The following PLAGL1 variants were observed in gnomAD, a reference collection of about 807,000 sequenced individuals.
PLAGL1 encodes the protein zinc finger protein PLAGL1.
PLAGL1 carries 1 observed loss-of-function variant against 4.6 expected under a neutral mutation model. That is an observed-to-expected ratio of 0.22 (90% CI 0.08 to 1.03). The LOEUF (loss-of-function observed/expected upper bound fraction) is 1.03. Among genes scored for constraint, PLAGL1 ranks in the 50% least tolerant of loss-of-function variants. PLAGL1 has a pLI of 0.58. For synonymous variants in PLAGL1, 240 were observed against 237.8 expected, an observed-to-expected ratio of 1.01 and a Z score of -0.08; for missense variants, 464 against 570.4, an observed-to-expected ratio of 0.81 and a Z score of 1.90.
Position 143,940,690 on chromosome 6 carries a change from C to T in PLAGL1, c.*734G>A, listed in dbSNP as rs941200623. 2 of 150,756 alleles carry T rather than the reference C, an allele frequency of 1.3e-5. No individual in the cohort carries two copies. The highest frequency in any genetic ancestry group is 2.9e-5 in the Non-Finnish European group (2 of 67,856). The allele number at this position is 150,756 out of a possible 1,614,324, so 9.3% of individuals were successfully genotyped here. On this transcript the variant is annotated 3_prime_UTR_variant, in exon 8 of 8. Transcript: ENST00000674357. ...AAGTCAGCAAAATGCCTTTGACTGACGCCTGGATTATTTTACCACTTAACC... is the reference window on the plus strand; with the variant it reads ...AAGTCAGCAAAATGCCTTTGACTGATGCCTGGATTATTTTACCACTTAACC...
At position 143,970,167 on chromosome 6, in the gene PLAGL1, T is replaced by G. The variant is rs1477250424; in HGVS notation, c.-543-1189A>C. The stretch of plus-strand genomic sequence containing the variant: ...TTTGTGCCTTGACCAAAAAGGCTGC[T>G]GTTGTATGTGTTTTTAAAATAACGA... On this transcript the variant is annotated intron_variant, in intron 2 of 7. Coordinates refer to ENST00000674357, the MANE Select transcript of PLAGL1 (RefSeq NM_001317162.2). This position sits in a 1 kb window ranked among gnomAD's most constrained non-coding sequence, Gnocchi z 5.8. 6.6e-6 allele frequency among the ~76,000 whole-genome samples: 1 copy of G among 152,344 alleles called. No individual in the cohort carries two copies. Among genetic ancestry groups the G allele is most frequent in the African/African-American group, 2.4e-5 (1 of 41,586 alleles).
At chr6:143,946,335 G>A (rs1315362462) in intron 7 of PLAGL1, among the ~76,000 whole-genome samples, 5 of 152,138 alleles carry the variant, frequency 3.3e-5, no homozygotes, top group African/African-American at 1.2e-4. Context: ...GTCTTTATCT[G>A]CAGTTTTAGT....
At position 143,972,043 on chromosome 6, in the gene PLAGL1, A is replaced by G. The variant is rs1583311028; in HGVS notation, c.-543-3065T>C. Among the ~76,000 whole-genome samples, 1 of 152,338 alleles carries G rather than the reference A, an allele frequency of 6.6e-6. No individual in the cohort carries two copies. Among genetic ancestry groups the G allele is most frequent in the South Asian group, 2.1e-4 (1 of 4,832 alleles). ...AAAAAAGGGCATAATAGTTCTCTGCAGAGGAAGAATTTTAAAAAGCAATAG... is the reference window on the plus strand; with the variant it reads ...AAAAAAGGGCATAATAGTTCTCTGCGGAGGAAGAATTTTAAAAAGCAATAG... On this transcript the variant is annotated intron_variant, in intron 2 of 7. Transcript: ENST00000674357. The surrounding 1 kb of genome is among the most constrained non-coding windows in gnomAD (Gnocchi z 6.8).
At chr6:144,013,220 A>C (rs1233600404), upstream of PLAGL1, among the ~76,000 whole-genome samples, 4 of 152,186 alleles carry the variant, frequency 2.6e-5, no homozygotes, top group Admixed American at 2.6e-4. This position sits in a 1 kb window ranked among gnomAD's most constrained non-coding sequence, Gnocchi z 4.4. Flanking sequence ...ATGCTGACAC[A>C]TCTATAGGTT....
In PLAGL1 at chr6:143,954,126, G is replaced by A. The variant is rs149963618; in HGVS notation, c.-324-5666C>T. Among the ~76,000 whole-genome samples, 51 of 152,256 alleles carry A rather than the reference G, an allele frequency of 3.3e-4. No individual in the cohort carries two copies. The East Asian group carries it at 9.3e-3, about 28-fold the overall frequency. On this transcript the variant is annotated intron_variant, in intron 6 of 7. Coordinates refer to ENST00000674357, the MANE Select transcript of PLAGL1 (RefSeq NM_001317162.2). This position sits in a 1 kb window ranked among gnomAD's most constrained non-coding sequence, Gnocchi z 5.1. ...ATAAGGACAAAGGGGGTTTCCTCCA[G>A]GGGTCGCCACCTTACCCTATACAAG... is the stretch of plus-strand genomic sequence containing the variant.
At chr6:144,046,514 G>C (rs1798159202) in intron 1 of PLAGL1, among the ~76,000 whole-genome samples, 1 of 152,216 alleles carries the variant, frequency 6.6e-6, no homozygotes, top group Non-Finnish European at 1.5e-5. Context: ...GTCACCAGCA[G>C]AGGCTGCAGA....
intron 1 of PLAGL1, among the ~76,000 whole-genome samples, chr6:144,020,891 A>G (rs1367797929): frequency 2.7e-5 from 4 of 146,894 alleles, no homozygotes; most frequent in African/African-American, 9.9e-5. Flanking sequence ...AATTTATATA[A>G]TTTATAATAT....
chr6:144,023,768 C>CTTTTTTTTTT lies in PLAGL1; in HGVS notation c.-151+40690_-151+40699dup, dbSNP rs34002736. Among the ~76,000 whole-genome samples, 7 of 72,662 alleles carry CTTTTTTTTTT rather than the reference C, an allele frequency of 9.6e-5. 1 individual carries two copies. Among genetic ancestry groups the CTTTTTTTTTT allele is most frequent in the African/African-American group, 3.9e-4 (7 of 18,084 alleles). 47.7% of individuals were successfully genotyped at this position (72,662 alleles called of 152,430 possible). A position where few individuals can be genotyped will look rare whatever the true frequency, so the allele number is the denominator to read the frequency against. On this transcript the variant is annotated intron_variant, in intron 1 of 3. Transcript: ENST00000437412. Reference sequence around the variant, plus strand: ...GACATCATTATGAACTCATATTTAGCTTTTTTTTTTTTTTTTTTTTTTTTT... The same window carrying CTTTTTTTTTT: ...GACATCATTATGAACTCATATTTAGCTTTTTTTTTTTTTTTTTTTTTTTTTTTTTTTTTTT...
At position 143,994,812 on chromosome 6, in the gene PLAGL1, G is replaced by A. The variant is rs79453308; in HGVS notation, c.-583-9638C>T. On this transcript the variant is annotated intron_variant, in intron 1 of 7. Transcript: ENST00000674357. This position sits in a 1 kb window ranked among gnomAD's most constrained non-coding sequence, Gnocchi z 4.3. ...AAGGTTAAATGATGTCTTAAGAGTG[G>A]GGCTTTAATCCAATTAAAATTCTCA... 7.3e-3 allele frequency among the ~76,000 whole-genome samples: 1,112 copies of A among 152,210 alleles called. 45 individuals are homozygous for A. The East Asian group carries it at 0.11, about 15-fold the overall frequency.
chr6:143,964,327 C>T lies in PLAGL1; in HGVS notation c.-399+460G>A, dbSNP rs890747753. ...TAAACTGAAGGTCAGAGGTGGGTTCCTCATCTTCCAGAGGCCATGAAAATC... is the reference window on the plus strand; with the variant it reads ...TAAACTGAAGGTCAGAGGTGGGTTCTTCATCTTCCAGAGGCCATGAAAATC... On this transcript the variant is annotated intron_variant, in intron 5 of 7. Transcript: ENST00000674357. This position sits in a 1 kb window ranked among gnomAD's most constrained non-coding sequence, Gnocchi z 4.3. Among the ~76,000 whole-genome samples, 3 of 152,166 alleles carry T rather than the reference C, an allele frequency of 2.0e-5. No homozygotes were observed. The highest frequency in any genetic ancestry group is 4.4e-5 in the Non-Finnish European group (3 of 68,020).
Position 143,959,916 on chromosome 6 carries a change from C to G in PLAGL1, c.-325+553G>C, listed in dbSNP as rs1056887297. Among the ~76,000 whole-genome samples the G allele has an allele frequency of 2.6e-5, 4 of 152,206 alleles. No homozygotes were observed. Among genetic ancestry groups the G allele is most frequent in the Non-Finnish European group, 5.9e-5 (4 of 68,030 alleles). The stretch of plus-strand genomic sequence containing the variant: ...GCTCTTTCAACCTACGCTTTGCCAT[C>G]CCTTCTAGCCACACTGTCTACATGA... On this transcript the variant is annotated intron_variant, in intron 6 of 7. Transcript: ENST00000674357. This position sits in a 1 kb window ranked among gnomAD's most constrained non-coding sequence, Gnocchi z 5.3.
rs1794263022 is a variant in PLAGL1 at position 144,006,657 on chromosome 6, T to A, written c.-584+1433A>T. 1 of 152,176 alleles carries A rather than the reference T, an allele frequency of 6.6e-6. No individual in the cohort carries two copies. The highest frequency in any genetic ancestry group is 2.4e-5 in the African/African-American group (1 of 41,452). The allele number at this position is 152,176 out of a possible 1,614,324, so 9.4% of individuals were successfully genotyped here. A position where few individuals can be genotyped will look rare whatever the true frequency, so the allele number is the denominator to read the frequency against. On this transcript the variant is annotated intron_variant, in intron 1 of 7. Transcript: ENST00000674357. The surrounding 1 kb of genome is among the most constrained non-coding windows in gnomAD (Gnocchi z 4.3). ...TCATTGGCCACTGTACAGTGTGCCC[T>A]TTTTATGAGTGGTGTATAATTTATC...
chr6:144,034,911 G>A lies in PLAGL1; in HGVS notation c.-151+29557C>T, dbSNP rs1797107654. 6.6e-6 allele frequency among the ~76,000 whole-genome samples: 1 copy of A among 152,136 alleles called. No individual in the cohort carries two copies. Among genetic ancestry groups the A allele is most frequent in the Non-Finnish European group, 1.5e-5 (1 of 68,024 alleles). ...GCCTGATCTAGGACTACAGCTGAAG[G>A]CTTTCAGGTTTGGACAAAAATCTTT... is the stretch of plus-strand genomic sequence containing the variant. On this transcript the variant is annotated intron_variant, in intron 1 of 3. Transcript: ENST00000437412. This position sits in a 1 kb window ranked among gnomAD's most constrained non-coding sequence, Gnocchi z 4.7.
Position 143,942,828 on chromosome 6 carries a change from A to G in PLAGL1, c.153-165T>C, listed in dbSNP as rs1562373178. Among the ~76,000 whole-genome samples, 1 of 152,178 alleles carries G rather than the reference A, an allele frequency of 6.6e-6. No homozygotes were observed. The highest frequency in any genetic ancestry group is 1.5e-5 in the Non-Finnish European group (1 of 68,046). The stretch of plus-strand genomic sequence containing the variant: ...AAATATATAAACTTTTATAATTAAG[A>G]AAAGCAAGCAATACTAAAGCCATAA... On this transcript the variant is annotated intron_variant, in intron 7 of 7. Transcript: ENST00000674357. This position sits in a 1 kb window ranked among gnomAD's most constrained non-coding sequence, Gnocchi z 7.6.
Position 144,050,339 on chromosome 6 carries a change from A to G in PLAGL1, c.-151+14129T>C, listed in dbSNP as rs984340095. 5.9e-5 allele frequency among the ~76,000 whole-genome samples: 9 copies of G among 152,166 alleles called. No homozygotes were observed. The highest frequency in any genetic ancestry group is 1.2e-4 in the African/African-American group (5 of 41,436). On this transcript the variant is annotated intron_variant, in intron 1 of 3. Transcript: ENST00000437412. The surrounding 1 kb of genome is among the most constrained non-coding windows in gnomAD (Gnocchi z 4.3). ...GAACTCAACTAAGTGAAATATGTCCATAACACAATGCTGCCAGAAGGTCTT... is the reference window on the plus strand; with the variant it reads ...GAACTCAACTAAGTGAAATATGTCCGTAACACAATGCTGCCAGAAGGTCTT...
chr6:143,992,906 A>ATT (rs1562518281), intron 1 of PLAGL1, among the ~76,000 whole-genome samples: 4 of 151,272 alleles, frequency 2.6e-5, no homozygotes, highest in Non-Finnish European at 5.9e-5. Flanking sequence ...TGAACCTGGG[A>ATT]GGTGGAGGTT....
At position 143,950,489 on chromosome 6, in the gene PLAGL1, A is replaced by G. The variant is rs1394506547; in HGVS notation, c.-324-2029T>C. On this transcript the variant is annotated intron_variant, in intron 6 of 7. Coordinates refer to ENST00000674357, the MANE Select transcript of PLAGL1 (RefSeq NM_001317162.2). This position sits in a 1 kb window ranked among gnomAD's most constrained non-coding sequence, Gnocchi z 6.3. ...CTCACCCAGCCTAAGTTTGGCCATA[A>G]TACCGGCCCAGCTATAAAACACACT... Among the ~76,000 whole-genome samples, 4 of 152,136 alleles carry G rather than the reference A, an allele frequency of 2.6e-5. No individual in the cohort carries two copies. The East Asian group carries it at 5.8e-4, about 22-fold the overall frequency.
chr6:143,943,249 A>G (rs1369691173), intron 7 of PLAGL1, among the ~76,000 whole-genome samples: 1 of 151,996 alleles, frequency 6.6e-6, no homozygotes. Flanking sequence ...CCTGACCATG[A>G]AAAATCTTTT....
chr6:144,056,979 T>C lies in PLAGL1; in HGVS notation c.-151+7489A>G, dbSNP rs934257603. Among the ~76,000 whole-genome samples the C allele has an allele frequency of 4.6e-5, 7 of 152,194 alleles. No homozygotes were observed. The East Asian group carries it at 5.8e-4, about 13-fold the overall frequency. ...CTTTTTAGTGCTAAATAATGTCCCA[T>C]TGGCTGGATGAACCACAGTTTGTTA... is the stretch of plus-strand genomic sequence containing the variant. On this transcript the variant is annotated intron_variant, in intron 1 of 3. Coordinates refer to the PLAGL1 transcript ENST00000437412. This position sits in a 1 kb window ranked among gnomAD's most constrained non-coding sequence, Gnocchi z 4.7.
Sources: gnomAD v4.1 joint callset for allele counts (sites outside exome capture counted in the v4.1 genomes callset) on GRCh38, gnomAD v4.1.1 for gene constraint, Gnocchi (gnomAD v3.1) non-coding constraint, MANE v1.5 for transcripts, NCBI Gene and HGNC (gene_info 2026-07-23, HGNC 2026-07-21) for gene names.